Variants in BAHCC1 observed in about 807,000 individuals in gnomAD.
BAHCC1 encodes the protein BAH domain and coiled-coil containing 1.
A neutral mutation model predicts 88.2 loss-of-function variants in BAHCC1; 43 were observed. The ratio of observed to expected loss-of-function variants is 0.49; its 90% CI spans 0.38 to 0.63. The LOEUF is 0.63. Among genes scored for constraint, BAHCC1 ranks in the 20% least tolerant of loss-of-function variants. BAHCC1 has a pLI of 0.00. For synonymous variants in BAHCC1, 1,510 were observed against 745.5 expected (o/e 2.03, Z -16.71); for missense variants, 3,023 against 1,654.8 (o/e 1.83, Z -14.34).
intron 4 of BAHCC1, among the ~76,000 whole-genome samples, chr17:81,441,619 G>A (rs181523477): frequency 5.0e-5 from 7 of 139,482 alleles, no homozygotes; most frequent in African/African-American, 1.3e-4. Flanking sequence ...CCGAGGTCAC[G>A]CCACAGCACT....
intron 11 of BAHCC1, among the ~76,000 whole-genome samples, chr17:81,450,874 C>T (rs1373990072): frequency 6.6e-6 from 1 of 152,208 alleles, no homozygotes; most frequent in Non-Finnish European, 1.5e-5. Context: ...AGCCACCACA[C>T]TCCAGCCCAG....
chr17:81,399,579 G>C lies in BAHCC1; in HGVS notation c.-161G>C. On this transcript the variant is annotated 5_prime_UTR_variant, in exon 2 of 28. Transcript: ENST00000675386. This position sits in a 1 kb window ranked among gnomAD's most constrained non-coding sequence, Gnocchi z 4.5. ...CCGCTGGCTCGGTGCGCGGCCGCCC[G>C]CCGAGAAGCCCAGTCCTCCCGCGTG... is the stretch of plus-strand genomic sequence containing the variant. 2.2e-6 allele frequency: 1 copy of C among 452,770 alleles called. No homozygotes were observed. The highest frequency in any genetic ancestry group is 3.9e-6 in the Non-Finnish European group (1 of 257,696). The allele number at this position is 452,770 out of a possible 1,614,324, so 28.0% of individuals were successfully genotyped here. A position where few individuals can be genotyped will look rare whatever the true frequency, so the allele number is the denominator to read the frequency against.
At position 81,461,215 on chromosome 17, in the gene BAHCC1, G is replaced by A; in HGVS notation, c.6552G>A (p.Leu2184=). The A allele has an allele frequency of 1.4e-6, 1 of 725,874 alleles. No individual in the cohort carries two copies. The highest frequency in any genetic ancestry group is 2.5e-6 in the Non-Finnish European group (1 of 395,244). The allele number at this position is 725,874 out of a possible 1,614,324, so 45.0% of individuals were successfully genotyped here. ...PGLPRGAHKL[L]RAKKAERVEA... ...TCCCCAGGGGAGCCCACAAGCTGCTGCGGGCTAAGAAGGCCGAGAGGGTGG... is the reference window on the plus strand; with the variant it reads ...TCCCCAGGGGAGCCCACAAGCTGCTACGGGCTAAGAAGGCCGAGAGGGTGG... The change falls in exon 26 of 28, where the codon CTG becomes CTA. Residue 2184 remains leucine, a synonymous_variant. Transcript: ENST00000675386.
chr17:81,419,525 C>A (rs1021928191), intron 2 of BAHCC1, among the ~76,000 whole-genome samples: 1 of 152,236 alleles, frequency 6.6e-6, no homozygotes, highest in East Asian at 1.9e-4. Context: ...CCGTTCCCAG[C>A]CACTCCTGGT....
chr17:81,452,929 T>C lies in BAHCC1; in HGVS notation c.4445+78T>C, dbSNP rs187334772. 4,392 of 629,726 alleles carry C rather than the reference T, an allele frequency of 7.0e-3. 31 individuals carry two copies. The highest frequency in any genetic ancestry group is 0.017 in the South Asian group (953 of 56,144). The allele number at this position is 629,726 out of a possible 1,614,324, so 39.0% of individuals were successfully genotyped here. On this transcript the variant is annotated intron_variant, in intron 14 of 27. Coordinates refer to ENST00000675386, the MANE Select transcript of BAHCC1 (RefSeq NM_001377448.1). ...CGAGGCTGGGGAGCAGGGTCCAGGCTCCCCTGAGGCTTCCAGGCTGCTGGT... is the reference window on the plus strand; with the variant it reads ...CGAGGCTGGGGAGCAGGGTCCAGGCCCCCCTGAGGCTTCCAGGCTGCTGGT...
intron 11 of BAHCC1, among the ~76,000 whole-genome samples, chr17:81,448,280 C>T (rs1208647475): frequency 6.6e-6 from 1 of 152,186 alleles, no homozygotes; most frequent in East Asian, 1.9e-4. Context: ...CGGCTCCCCG[C>T]TTCAGGCCCA....
chr17:81,412,846 C>G (rs574778284), intron 2 of BAHCC1, among the ~76,000 whole-genome samples: 2 of 152,192 alleles, frequency 1.3e-5, no homozygotes, highest in Non-Finnish European at 2.9e-5. Context: ...GCTGGGGCCT[C>G]GGACATATCC....
At position 81,435,235 on chromosome 17, in the gene BAHCC1, A is replaced by G. The variant is rs1377005077; in HGVS notation, c.359-3135A>G. Among the ~76,000 whole-genome samples, 3 of 152,002 alleles carry G rather than the reference A, an allele frequency of 2.0e-5. No homozygotes were observed. Among genetic ancestry groups the G allele is most frequent in the East Asian group, 1.9e-4 (1 of 5,158 alleles). ...TTGGGAGGGGTCTGGGGGTGTGGCC[A>G]TTGTGTCCCCCGCCCAGCCCACGCG... On this transcript the variant is annotated intron_variant, in intron 3 of 27. Transcript: ENST00000675386. The surrounding 1 kb of genome is among the most constrained non-coding windows in gnomAD (Gnocchi z 4.4).
chr17:81,463,507 C>T (rs1322777517), intron 27 of BAHCC1, 104 bp from the exon 28 acceptor site: 2 of 704,726 alleles, frequency 2.8e-6, no homozygotes, highest in African/African-American at 3.5e-5. Flanking sequence ...AGAAGTCCAT[C>T]CGGTGACCCT....
At position 81,442,809 on chromosome 17, in the gene BAHCC1, G is replaced by T. The variant is rs2064447605; in HGVS notation, c.1460G>T (p.Gly487Val). Residue 487 changes from glycine (G) to valine (V), a missense_variant, in exon 5 of 28, where the codon GGT becomes GTT. By Grantham distance (109) the Gly-to-Val change is moderately radical. Transcript: ENST00000675386. ...TCCTTCCCCGGACTCCCTAAAAGCG[G>T]TCTGGACAAAAGCGGCTACTTCGAG... is the stretch of plus-strand genomic sequence containing the variant. ...EASFPGLPKS[G>V]LDKSGYFELP... is the part of the protein sequence containing the mutation. The T allele has an allele frequency of 2.6e-6, 2 of 779,594 alleles. No individual in the cohort carries two copies. Among genetic ancestry groups the T allele is most frequent in the Admixed American group, 1.7e-5 (1 of 59,044 alleles). The allele number at this position is 779,594 out of a possible 1,614,324, so 48.3% of individuals were successfully genotyped here. A position where few individuals can be genotyped will look rare whatever the true frequency, so the allele number is the denominator to read the frequency against.
In BAHCC1 at chr17:81,443,913, C is replaced by A; in HGVS notation, c.2320C>A (p.Leu774Met). 1.4e-6 allele frequency: 1 copy of A among 710,846 alleles called. No homozygotes were observed. 44.0% of individuals were successfully genotyped at this position (710,846 alleles called of 1,614,324 possible). A position where few individuals can be genotyped will look rare whatever the true frequency, so the allele number is the denominator to read the frequency against. Residue 774 changes from leucine to methionine, a missense_variant, in exon 6 of 28, where the codon CTG (leucine) becomes ATG (methionine). Coordinates refer to ENST00000675386, the MANE Select transcript of BAHCC1 (RefSeq NM_001377448.1). ...RLGLASRELL[L>M]QDSKDRVEFA... The stretch of plus-strand genomic sequence containing the variant: ...GGGGCTTGCCAGCCGCGAGCTGCTG[C>A]TGCAGTGAGAGCTGGGCCTGTGGCC...
In BAHCC1 at chr17:81,461,776, C is replaced by T. The variant is rs1555659537; in HGVS notation, c.7113C>T (p.Ala2371=). ...CCCACCCCGTGCCCACCCTCCTGGCCCAGCCCGAGGCCCTGCGCTCCAAGG... is the reference window on the plus strand; with the variant it reads ...CCCACCCCGTGCCCACCCTCCTGGCTCAGCCCGAGGCCCTGCGCTCCAAGG... ...CLTHPVPTLL[A]QPEALRSKGS... Residue 2371 remains alanine, a synonymous_variant, in exon 26 of 28, where the codon GCC becomes GCT. Transcript: ENST00000675386. 4 of 716,750 alleles carry T rather than the reference C, an allele frequency of 5.6e-6. No homozygotes were observed. In the East Asian group the frequency reaches 8.0e-5, roughly 14 times the overall value. The allele number at this position is 716,750 out of a possible 1,614,324, so 44.4% of individuals were successfully genotyped here.
At chr17:81,404,946 T>C (rs1405484890) in intron 2 of BAHCC1, among the ~76,000 whole-genome samples, 1 of 152,204 alleles carries the variant, frequency 6.6e-6, no homozygotes, top group Non-Finnish European at 1.5e-5. Context: ...CTGCGGACTT[T>C]TTAGGTCTCC....
At chr17:81,453,820 T>C (rs2064693705) in intron 14 of BAHCC1, among the ~76,000 whole-genome samples, 1 of 152,196 alleles carries the variant, frequency 6.6e-6, no homozygotes, top group African/African-American at 2.4e-5. Context: ...CCTCCTGCCC[T>C]CACTCATCCA....
chr17:81,405,748 T>C (rs1457349240), intron 2 of BAHCC1, among the ~76,000 whole-genome samples: 1 of 152,172 alleles, frequency 6.6e-6, no homozygotes, highest in Non-Finnish European at 1.5e-5. Flanking sequence ...CCGGTCTGGC[T>C]TCCTCCCTAC....
chr17:81,463,416 C>G (rs1189028382), intron 27 of BAHCC1, among the ~76,000 whole-genome samples, 195 bp from the exon 28 acceptor site: 6 of 152,222 alleles, frequency 3.9e-5, no homozygotes, highest in African/African-American at 1.4e-4. Flanking sequence ...GGGTCCCCGG[C>G]AGGTTCCTCG....
At chr17:81,418,796 C>CGTGTGTGCGTGTGTGTGTGCGCGCAT (rs1555649106) in intron 2 of BAHCC1, among the ~76,000 whole-genome samples, 6 of 144,800 alleles carry the variant, frequency 4.1e-5, no homozygotes, top group Non-Finnish European at 9.0e-5. Context: ...TACGTGTGTG[C>CGTGTGTGCGTGTGTGTGTGCGCGCAT]GTGTGTGTGT....
intron 4 of BAHCC1, 28 bp from the exon 5 acceptor site, chr17:81,441,803 C>T (rs1357099963): frequency 1.7e-6 from 1 of 582,264 alleles, no homozygotes; most frequent in East Asian, 2.9e-5. Flanking sequence ...CTAAGGCCTC[C>T]CATTGACCTT....
In BAHCC1 at chr17:81,451,955, G is replaced by A. The variant is rs1555655917; in HGVS notation, c.4180-16G>A. On this transcript the variant is annotated splice_polypyrimidine_tract_variant and intron_variant, in intron 12 of 27. Coordinates refer to ENST00000675386, the MANE Select transcript of BAHCC1 (RefSeq NM_001377448.1). ...GCCCTGGCCCGGCTCACAGGCCCCT[G>A]TGCCCCCCCCACCAGGTGTGCCCCC... 1 of 612,354 alleles carries A rather than the reference G, an allele frequency of 1.6e-6. No individual in the cohort carries two copies. The highest frequency in any genetic ancestry group is 2.9e-6 in the Non-Finnish European group (1 of 342,174). 37.9% of individuals were successfully genotyped at this position (612,354 alleles called of 1,614,324 possible). A position where few individuals can be genotyped will look rare whatever the true frequency, so the allele number is the denominator to read the frequency against.
Sources: gnomAD v4.1 joint callset for allele counts (sites outside exome capture counted in the v4.1 genomes callset) on GRCh38, gnomAD v4.1.1 for gene constraint, Gnocchi (gnomAD v3.1) non-coding constraint, MANE v1.5 for transcripts, NCBI Gene and HGNC (gene_info 2026-07-23, HGNC 2026-07-21) for gene names.